The following FSTL4 variants were observed in gnomAD, a reference collection of about 807,000 sequenced individuals.
FSTL4 encodes follistatin-related protein 4.
In FSTL4, 28 loss-of-function variants were observed where a neutral mutation model predicts 78.2. The ratio of observed to expected loss-of-function variants is 0.36; its 90% CI spans 0.27 to 0.49. FSTL4 has a LOEUF of 0.49. FSTL4 is among the 20% of genes least tolerant of loss of function. The pLI, the probability that FSTL4 is intolerant of heterozygous loss-of-function variation, is 0.98. For synonymous variants in FSTL4, 422 were observed against 440.5 expected, an observed-to-expected ratio of 0.96 and a Z score of 0.53; for missense variants, 922 against 1,084.9, an observed-to-expected ratio of 0.85 and a Z score of 2.11.
the FSTL4 span, among the ~76,000 whole-genome samples, chr5:133,767,733 G>C: frequency 2.6e-5 from 4 of 152,236 alleles, no homozygotes; most frequent in African/African-American, 9.6e-5. Context: ...CACATGTACA[G>C]AGTGATGCCT....
upstream of FSTL4, among the ~76,000 whole-genome samples, chr5:133,615,604 T>C (rs547600447): frequency 2.6e-5 from 4 of 152,370 alleles, no homozygotes; most frequent in South Asian, 8.3e-4. Context: ...AGTTCAGTTA[T>C]TCTGATCTAA....
chr5:133,477,371 T>C (rs1367244743), intron 3 of FSTL4, among the ~76,000 whole-genome samples: 1 of 152,228 alleles, frequency 6.6e-6, no homozygotes, highest in Admixed American at 6.5e-5. Context: ...ACAAATTCCA[T>C]TCTTTTTAGG....
At chr5:133,310,435 T>C (rs1753752705) in intron 6 of FSTL4, among the ~76,000 whole-genome samples, 1 of 152,232 alleles carries the variant, frequency 6.6e-6, no homozygotes. Context: ...AGCTCATGTT[T>C]ACAATGACCT....
the FSTL4 span, among the ~76,000 whole-genome samples, chr5:133,690,592 T>A: frequency 6.6e-6 from 1 of 152,214 alleles, no homozygotes; most frequent in East Asian, 1.9e-4. Context: ...GTAGGGACTA[T>A]CAAGCATCTG....
chr5:133,418,664 G>A (rs1422813351), intron 3 of FSTL4, among the ~76,000 whole-genome samples: 1 of 152,212 alleles, frequency 6.6e-6, no homozygotes, highest in Non-Finnish European at 1.5e-5. Context: ...ATAAGACCAT[G>A]TGGTACTTGA....
chr5:133,296,661 T>A (rs1410211976), intron 6 of FSTL4, among the ~76,000 whole-genome samples: 1 of 152,170 alleles, frequency 6.6e-6, no homozygotes, highest in Non-Finnish European at 1.5e-5. Context: ...TGGGCTATCG[T>A]ATTTAATTTT....
rs142826176 is a variant in FSTL4 at position 133,450,815 on chromosome 5, C to T, written c.161-49829G>A. On this transcript the variant is annotated intron_variant, in intron 3 of 15. Transcript: ENST00000265342. ...TTTTCAGATCAGATCCATCAGGGAG[C>T]TGGAGCATTCACAGAGGAGGGGAGA... Among the ~76,000 whole-genome samples, 331 of 152,318 alleles carry T rather than the reference C, an allele frequency of 2.2e-3. 2 individuals carry two copies. Among genetic ancestry groups the T allele is most frequent in the African/African-American group, 7.6e-3 (316 of 41,562 alleles).
intron 4 of FSTL4, among the ~76,000 whole-genome samples, chr5:133,379,593 G>T (rs1755517374): frequency 6.6e-6 from 1 of 152,138 alleles, no homozygotes; most frequent in Non-Finnish European, 1.5e-5. Context: ...GTATCCAAAT[G>T]AAATCTGGGA....
At chr5:133,680,485 C>T in the FSTL4 span, among the ~76,000 whole-genome samples, 15 of 152,308 alleles carry the variant, frequency 9.8e-5, no homozygotes, top group Middle Eastern at 3.4e-3. Context: ...TAAGCACTCC[C>T]TCTCCAGGGT....
chr5:133,360,060 C>T (rs1755035399), intron 4 of FSTL4, among the ~76,000 whole-genome samples: 2 of 152,264 alleles, frequency 1.3e-5, no homozygotes, highest in Non-Finnish European at 2.9e-5. Context: ...AGGAATCAAA[C>T]AGCCCTAACA....
intron 1 of FSTL4, among the ~76,000 whole-genome samples, chr5:133,609,956 C>A (rs1478564414): frequency 6.6e-6 from 1 of 152,148 alleles, no homozygotes; most frequent in Non-Finnish European, 1.5e-5. Context: ...CACAACTAAC[C>A]GCACATAAGC....
chr5:133,506,171 T>C (rs910915579), intron 3 of FSTL4, among the ~76,000 whole-genome samples: 4 of 152,160 alleles, frequency 2.6e-5, no homozygotes, highest in African/African-American at 9.7e-5. Context: ...GACTGTCAAT[T>C]CATTTGATTG....
intron 3 of FSTL4, among the ~76,000 whole-genome samples, chr5:133,534,725 C>T (rs1033672173): frequency 6.6e-5 from 10 of 152,058 alleles, no homozygotes; most frequent in African/African-American, 2.4e-4. Context: ...TGATAACATC[C>T]CTTCTTTTCT....
chr5:133,284,341 G>A (rs1344283734), intron 6 of FSTL4, among the ~76,000 whole-genome samples: 1 of 152,222 alleles, frequency 6.6e-6, no homozygotes, highest in African/African-American at 2.4e-5. Context: ...TCTAATTAGA[G>A]TGAGTCAAGT....
At chr5:133,472,041 C>T (rs1258445379) in intron 3 of FSTL4, among the ~76,000 whole-genome samples, 1 of 152,164 alleles carries the variant, frequency 6.6e-6, no homozygotes, top group Non-Finnish European at 1.5e-5. Flanking sequence ...GGGGGCCACA[C>T]TATAGAAGGA....
At chr5:133,477,176 A>G (rs1358296709) in intron 3 of FSTL4, among the ~76,000 whole-genome samples, 4 of 152,252 alleles carry the variant, frequency 2.6e-5, no homozygotes, top group African/African-American at 9.6e-5. Flanking sequence ...AATAATTATT[A>G]GTGAGTAAAA....
intron 3 of FSTL4, among the ~76,000 whole-genome samples, chr5:133,546,573 T>A (rs1759578991): frequency 1.4e-5 from 2 of 147,384 alleles, no homozygotes; most frequent in South Asian, 4.3e-4. Flanking sequence ...AAAGATGTGG[T>A]CCAGCAATCT....
intron 4 of FSTL4, among the ~76,000 whole-genome samples, chr5:133,355,482 C>T (rs1436929146): frequency 6.6e-6 from 1 of 151,984 alleles, no homozygotes; most frequent in Non-Finnish European, 1.5e-5. Flanking sequence ...ATGGTGAAAC[C>T]CCATCTCTAC....
chr5:133,804,942 CAAAAAA>C, the FSTL4 span, among the ~76,000 whole-genome samples: 7 of 94,504 alleles, frequency 7.4e-5, no homozygotes, highest in South Asian at 1.3e-3. Flanking sequence ...GACTCCGTCT[CAAAAAA>C]AAAAAAAAAA....
Sources: gnomAD v4.1 joint callset for allele counts (sites outside exome capture counted in the v4.1 genomes callset) on GRCh38, gnomAD v4.1.1 for gene constraint, MANE v1.5 for transcripts, NCBI Gene and HGNC (gene_info 2026-07-23, HGNC 2026-07-21) for gene names.